C3orf52: variants seen among roughly 807,000 people sequenced by gnomAD.
C3orf52 encodes chromosome 3 open reading frame 52.
C3orf52 carries 22 observed loss-of-function variants against 24.8 expected under a neutral mutation model. That is an observed-to-expected ratio of 0.89 (90% CI 0.63 to 1.27). The LOEUF (loss-of-function observed/expected upper bound fraction) is 1.27. Among genes scored for constraint, C3orf52 ranks in the 50% most tolerant of loss-of-function variants. The pLI, the probability that C3orf52 is intolerant of heterozygous loss-of-function variation, is 0.00. For synonymous variants in C3orf52, 93 were observed against 100.2 expected (o/e 0.93, Z 0.43); for missense variants, 265 against 260.7 (o/e 1.02, Z -0.11).
At chr3:112,125,327 A>G (rs1406238736) in intron 4 of C3orf52, 1 of 1,029,414 alleles carries the variant, frequency 9.7e-7, no homozygotes, top group Non-Finnish European at 1.5e-6. Context: ...GGGAGGCTAG[A>G]ATATAAATAA....
At chr3:112,092,423 G>A (rs184964024) in intron 1 of C3orf52, among the ~76,000 whole-genome samples, 1 of 152,292 alleles carries the variant, frequency 6.6e-6, no homozygotes, top group East Asian at 1.9e-4. Context: ...GGTGGAGTGG[G>A]AAGTAGGAGA....
downstream of C3orf52, among the ~76,000 whole-genome samples, chr3:112,119,914 T>TCAACCACAGGGCAA (rs1393770778): frequency 1.3e-5 from 2 of 152,194 alleles, no homozygotes; most frequent in African/African-American, 4.8e-5. Flanking sequence ...GGGCAAAGCC[T>TCAACCACAGGGCAA]AGCCCACAGG....
chr3:112,095,455 C>T (rs554576657), intron 2 of C3orf52, among the ~76,000 whole-genome samples: 76 of 152,218 alleles, frequency 5.0e-4, no homozygotes, highest in African/African-American at 1.6e-3. Context: ...GATTCTAAAG[C>T]GCAAGACCCA....
At chr3:112,114,401 A>G (rs1433451080) in intron 5 of C3orf52, among the ~76,000 whole-genome samples, 1 of 143,264 alleles carries the variant, frequency 7.0e-6, no homozygotes, top group African/African-American at 2.8e-5. Flanking sequence ...CAGTTACAGG[A>G]ATTAAAAAAA....
At chr3:112,122,034 C>T (rs568073617), downstream of C3orf52, 1 of 152,160 alleles carries the variant, frequency 6.6e-6, no homozygotes, top group African/African-American at 2.4e-5. Context: ...TTAAATAAAA[C>T]AGCAAGTGGA....
At chr3:112,097,757 A>G (rs2073938273) in intron 2 of C3orf52, among the ~76,000 whole-genome samples, 1 of 152,068 alleles carries the variant, frequency 6.6e-6, no homozygotes, top group Non-Finnish European at 1.5e-5. Flanking sequence ...TTTTCTTCAA[A>G]TCGCTGATGT....
At chr3:112,108,364 A>G (rs577249220) in intron 3 of C3orf52, among the ~76,000 whole-genome samples, 7 of 152,060 alleles carry the variant, frequency 4.6e-5, no homozygotes, top group Admixed American at 4.6e-4. Flanking sequence ...GCTGGTAAGG[A>G]TGTGGGAAAT....
At chr3:112,131,867 T>C (rs528953915), downstream of C3orf52, among the ~76,000 whole-genome samples, 24 of 152,242 alleles carry the variant, frequency 1.6e-4, no homozygotes, top group African/African-American at 5.5e-4. Flanking sequence ...TTCTTTAAAA[T>C]AAATAAAAAA....
chr3:112,111,681 C>A (rs898901346), intron 4 of C3orf52: 2 of 152,198 alleles, frequency 1.3e-5, no homozygotes, highest in Non-Finnish European at 2.9e-5. Flanking sequence ...AAGTCCTTGC[C>A]CCTGGGAATG....
chr3:112,098,225 G>T (rs888586844), intron 2 of C3orf52, among the ~76,000 whole-genome samples: 17 of 152,106 alleles, frequency 1.1e-4, no homozygotes, highest in Non-Finnish European at 1.5e-5. Context: ...ACTAGCAATT[G>T]TCTGATCGTG....
At chr3:112,088,149 G>C (rs2073845932) in intron 1 of C3orf52, among the ~76,000 whole-genome samples, 1 of 152,194 alleles carries the variant, frequency 6.6e-6, no homozygotes, top group South Asian at 2.1e-4. Context: ...CCCAATAGGA[G>C]AGCTGTCCTC....
intron 2 of C3orf52, among the ~76,000 whole-genome samples, chr3:112,096,707 G>T (rs373655248): frequency 7.5e-4 from 114 of 152,258 alleles, no homozygotes; most frequent in Middle Eastern, 3.4e-3. Flanking sequence ...CCAGGGCAGG[G>T]TGTCCAGTGG....
At chr3:112,123,252 G>A (rs1464397597) in intron 4 of C3orf52, 1 of 928,870 alleles carries the variant, frequency 1.1e-6, no homozygotes, top group Non-Finnish European at 1.6e-6. Flanking sequence ...CTCAAATGGT[G>A]TTGTTCAGGA....
chr3:112,125,396 A>T (rs989173062), intron 4 of C3orf52: 17 of 646,854 alleles, frequency 2.6e-5, no homozygotes, highest in Non-Finnish European at 4.2e-5. Context: ...TCTACAGCAC[A>T]TCCCTGGGGA....
chr3:112,127,169 G>A (rs2074344082), intron 4 of C3orf52: 2 of 554,844 alleles, frequency 3.6e-6, no homozygotes, highest in Non-Finnish European at 6.2e-6. Context: ...GCATAGATGA[G>A]TTAAGTAAAA....
downstream of C3orf52, among the ~76,000 whole-genome samples, chr3:112,131,236 C>T (rs1385324732): frequency 6.6e-6 from 1 of 152,180 alleles, no homozygotes; most frequent in Non-Finnish European, 1.5e-5. Flanking sequence ...TGAGGATCCA[C>T]AGCCACTAAG....
rs777761027 is a variant in C3orf52, at chr3:112,123,777, T to C, written c.*46+4215T>C. On this transcript the variant is annotated intron_variant, in intron 4 of 4. Transcript: ENST00000480282. ...GTAGGTCTGGTCAACATTGTCCTGC[T>C]TGTCAAAGAAGAACCATCATCAAGA... is the stretch of plus-strand genomic sequence containing the variant. The C allele has an allele frequency of 4.4e-6, 7 of 1,603,862 alleles. No homozygotes were observed. In the Admixed American group the frequency reaches 8.5e-5, roughly 19 times the overall value.
intron 2 of C3orf52, among the ~76,000 whole-genome samples, chr3:112,094,865 C>T (rs1432800030): frequency 3.9e-5 from 6 of 152,174 alleles, no homozygotes; most frequent in African/African-American, 1.4e-4. Flanking sequence ...ATCCAGCCTT[C>T]ATGCGGCATG....
Position 112,109,559 on chromosome 3 carries a change from G to T in C3orf52, c.413G>T (p.Ser138Ile). 1 of 1,599,678 alleles carries T rather than the reference G, an allele frequency of 6.3e-7. No individual in the cohort carries two copies. Residue 138 changes from serine (S) to isoleucine (I), a missense_variant, in exon 4 of 6, where the codon AGT (serine) becomes ATT (isoleucine). Physicochemically the swap from Ser to Ile is moderately radical, Grantham distance 142. Transcript: ENST00000264848. ...TTTGTTTAGCTCACAGATGTGTACA[G>T]TACATCGCCCTCTCTGGGTCGTTAT... ...LLTERLTDVY[S>I]TSPSLGRYFT...
Sources: allele counts gnomAD v4.1 joint callset (sites outside exome capture counted in the v4.1 genomes callset), GRCh38; gene constraint gnomAD v4.1.1; transcripts MANE v1.5; gene names NCBI Gene and HGNC (gene_info 2026-07-23, HGNC 2026-07-21).